The following TNFAIP8L3 variants were observed in gnomAD, a reference collection of about 807,000 sequenced individuals.
TNFAIP8L3 encodes the protein TNF alpha induced protein 8 like 3, also known as tumor necrosis factor alpha-induced protein 8-like protein 3.
Under a neutral mutation model 11.8 loss-of-function variants are expected in TNFAIP8L3, and 7 were observed. The observed-to-expected ratio is 0.59, with a 90% CI of 0.34 to 1.11. The LOEUF (loss-of-function observed/expected upper bound fraction) is 1.11, where lower values mean the gene tolerates loss of function less well. Ranked by LOEUF, TNFAIP8L3 falls within the 50% of genes most tolerant of loss-of-function variation. TNFAIP8L3 has a pLI of 0.03. For missense variants in TNFAIP8L3, 219 were observed against 258.6 expected (o/e 0.85, Z 1.05); for synonymous variants, 98 against 103.8 (o/e 0.94, Z 0.34).
intron 1 of TNFAIP8L3, among the ~76,000 whole-genome samples, chr15:51,090,774 C>A (rs950421455): frequency 1.3e-5 from 2 of 152,124 alleles, no homozygotes; most frequent in African/African-American, 4.8e-5. Context: ...GGTTCCCCTA[C>A]CACATTCTGA....
At chr15:51,102,972 C>T (rs1281317091) in intron 1 of TNFAIP8L3, among the ~76,000 whole-genome samples, 1 of 152,106 alleles carries the variant, frequency 6.6e-6, no homozygotes, top group African/African-American at 2.4e-5. Context: ...TTTATCTTAT[C>T]AAAGACTCTC....
At chr15:51,084,231 C>A (rs1419737924) in intron 1 of TNFAIP8L3, among the ~76,000 whole-genome samples, 2 of 151,966 alleles carry the variant, frequency 1.3e-5, no homozygotes, top group Non-Finnish European at 2.9e-5. Flanking sequence ...TACGTACATA[C>A]AGAAAAACAG....
At chr15:51,058,757 T>C (rs534371086) in intron 1 of TNFAIP8L3, among the ~76,000 whole-genome samples, 1 of 152,374 alleles carries the variant, frequency 6.6e-6, no homozygotes, top group East Asian at 1.9e-4. Context: ...TTCCTGATTC[T>C]ACTAGCTCAC....
upstream of TNFAIP8L3, among the ~76,000 whole-genome samples, chr15:51,095,552 G>A (rs1266042175): frequency 6.6e-6 from 1 of 152,166 alleles, no homozygotes; most frequent in African/African-American, 2.4e-5. Context: ...GCTATTTCGC[G>A]CCCTCGACTA....
rs529022823 is a variant in TNFAIP8L3 at position 51,091,221 on chromosome 15, G to A, written c.52+3323C>T. Among the ~76,000 whole-genome samples the A allele has an allele frequency of 2.3e-4, 35 of 152,320 alleles. 1 individual carries two copies. In the South Asian group the frequency reaches 7.3e-3, roughly 32 times the overall value. Reference sequence around the variant, plus strand: ...TCCTGAAAAACAGAAAATGCAGATGGAGACAAATTTCATCCTCCGCCCCAC... The same window carrying A: ...TCCTGAAAAACAGAAAATGCAGATGAAGACAAATTTCATCCTCCGCCCCAC... On this transcript the variant is annotated intron_variant, in intron 1 of 1. Coordinates refer to ENST00000637513, the MANE Select transcript of TNFAIP8L3 (RefSeq NM_001311175.2).
chr15:51,100,674 C>A (rs981711289), intron 1 of TNFAIP8L3, among the ~76,000 whole-genome samples: 22 of 152,004 alleles, frequency 1.4e-4, no homozygotes, highest in African/African-American at 5.3e-4. Context: ...GAAGACATAT[C>A]AGGGATCTCC....
intron 1 of TNFAIP8L3, among the ~76,000 whole-genome samples, chr15:51,063,152 C>A (rs2065250882): frequency 1.3e-5 from 2 of 152,252 alleles, no homozygotes; most frequent in Middle Eastern, 3.4e-3. Flanking sequence ...CTTCTGATCT[C>A]CAGAAATATA....
upstream of TNFAIP8L3, among the ~76,000 whole-genome samples, chr15:51,095,865 A>G (rs144822355): frequency 4.6e-3 from 699 of 152,304 alleles, 5 homozygotes; most frequent in African/African-American, 0.016. Context: ...TATTGGCCAG[A>G]GCAAAAGAAA....
intron 1 of TNFAIP8L3, among the ~76,000 whole-genome samples, chr15:51,061,854 A>T (rs999654544): frequency 1.3e-5 from 2 of 152,228 alleles, no homozygotes; most frequent in Admixed American, 1.3e-4. Flanking sequence ...TTTTATTGGA[A>T]ATGCACCTCT....
At chr15:51,059,129 A>G (rs1439416420) in intron 1 of TNFAIP8L3, among the ~76,000 whole-genome samples, 2 of 152,208 alleles carry the variant, frequency 1.3e-5, no homozygotes, top group East Asian at 1.9e-4. Flanking sequence ...TGCCTCCTGA[A>G]TACTCTTGAT....
At position 51,094,511 on chromosome 15, in the gene TNFAIP8L3, C is replaced by T; in HGVS notation, c.52+33G>A. The T allele has an allele frequency of 6.8e-7, 1 of 1,466,546 alleles. No individual in the cohort carries two copies. Among genetic ancestry groups the T allele is most frequent in the Non-Finnish European group, 9.0e-7 (1 of 1,112,578 alleles). 90.8% of individuals were successfully genotyped at this position (1,466,546 alleles called of 1,614,324 possible). On this transcript the variant is annotated intron_variant, in intron 1 of 1. Coordinates refer to ENST00000637513, the MANE Select transcript of TNFAIP8L3 (RefSeq NM_001311175.2). This position sits in a 1 kb window ranked among gnomAD's most constrained non-coding sequence, Gnocchi z 4.4. The stretch of plus-strand genomic sequence containing the variant: ...GCCTCCCGTCCTCCCCAGCCCCAGC[C>T]CACCCGCCTGGGCCGTCGCGGCCCC...
chr15:51,101,965 GAAAA>G lies in TNFAIP8L3; in HGVS notation c.172+3036_172+3039del, dbSNP rs2065556107. Among the ~76,000 whole-genome samples, 4 of 137,094 alleles carry G rather than the reference GAAAA, an allele frequency of 2.9e-5. No homozygotes were observed. The South Asian group carries it at 9.2e-4, about 31-fold the overall frequency. The allele number at this position is 137,094 out of a possible 152,430, so 89.9% of individuals were successfully genotyped here. On this transcript the variant is annotated intron_variant, in intron 1 of 2. Transcript: ENST00000327536. ...TGTCTCAAAAAAAAAAAAAAAAAAA[GAAAA>G]GAAAAAGAAAAGAAAATAAGTAAAA...
At position 51,089,817 on chromosome 15, in the gene TNFAIP8L3, T is replaced by A. The variant is rs552079172; in HGVS notation, c.52+4727A>T. 1.8e-4 allele frequency among the ~76,000 whole-genome samples: 27 copies of A among 152,316 alleles called. No individual in the cohort carries two copies. The South Asian group carries it at 2.9e-3, about 16-fold the overall frequency. On this transcript the variant is annotated intron_variant, in intron 1 of 1. Transcript: ENST00000637513. ...TCCTGACTCCGAAAGCAGCTACAGC[T>A]TACTCTGTGGATGAGGCAGAGATCC...
At chr15:51,071,750 T>A (rs895526064) in intron 1 of TNFAIP8L3, among the ~76,000 whole-genome samples, 1 of 152,260 alleles carries the variant, frequency 6.6e-6, no homozygotes, top group African/African-American at 2.4e-5. Context: ...GGGCTGCCAA[T>A]GGCTCTCCAG....
chr15:51,101,945 C>CAAAA (rs11297566), intron 1 of TNFAIP8L3, among the ~76,000 whole-genome samples: 89 of 85,594 alleles, frequency 1.0e-3, no homozygotes, highest in Non-Finnish European at 1.5e-3. Context: ...GACTCTGTCT[C>CAAAA]AAAAAAAAAA....
intron 1 of TNFAIP8L3, among the ~76,000 whole-genome samples, chr15:51,087,176 C>T (rs1017982087): frequency 2.0e-5 from 3 of 152,184 alleles, no homozygotes; most frequent in Non-Finnish European, 4.4e-5. Context: ...CTCACAATTT[C>T]TTAAACCCTG....
At chr15:51,093,036 TACAC>T (rs1341915142) in intron 1 of TNFAIP8L3, among the ~76,000 whole-genome samples, 1 of 152,180 alleles carries the variant, frequency 6.6e-6, no homozygotes, top group African/African-American at 2.4e-5. Context: ...TCGAAATAGA[TACAC>T]ACAAAACATC....
At chr15:51,063,597 C>T (rs1484974881) in intron 1 of TNFAIP8L3, among the ~76,000 whole-genome samples, 1 of 152,124 alleles carries the variant, frequency 6.6e-6, no homozygotes, top group East Asian at 1.9e-4. Context: ...ACCTTTTGTC[C>T]CTTTTAGACC....
chr15:51,073,305 A>G (rs958177204), intron 1 of TNFAIP8L3, among the ~76,000 whole-genome samples: 2 of 152,300 alleles, frequency 1.3e-5, no homozygotes, highest in South Asian at 2.1e-4. Context: ...CTAAACTGGT[A>G]TCTTTATGAT....
Sources: gnomAD v4.1 joint callset for allele counts (sites outside exome capture counted in the v4.1 genomes callset) on GRCh38, gnomAD v4.1.1 for gene constraint, Gnocchi (gnomAD v3.1) non-coding constraint, MANE v1.5 for transcripts, NCBI Gene and HGNC (gene_info 2026-07-23, HGNC 2026-07-21) for gene names.